Variants in KRT20 observed in about 807,000 individuals in gnomAD.
KRT20 encodes the protein keratin 20, also known as keratin, type I cytoskeletal 20.
Under a neutral mutation model 43.0 loss-of-function variants are expected in KRT20, and 41 were observed. The ratio of observed to expected loss-of-function variants is 0.95; its 90% CI spans 0.74 to 1.24. KRT20 has a LOEUF of 1.24. Ranked by LOEUF, KRT20 falls within the 50% of genes most tolerant of loss-of-function variation. KRT20 has a pLI of 0.00. For synonymous variants in KRT20, 207 were observed against 200.6 expected (o/e 1.03, Z -0.27); for missense variants, 533 against 521.2 (o/e 1.02, Z -0.22).
chr17:40,877,651 C>T lies in KRT20; in HGVS notation c.1140-234G>A, dbSNP rs111504706. ...CCAGTTTAATATATGCTAAGAAGTTCCTCTAATTAAAATAACAAAATTACA... is the reference window on the plus strand; with the variant it reads ...CCAGTTTAATATATGCTAAGAAGTTTCTCTAATTAAAATAACAAAATTACA... On this transcript the variant is annotated intron_variant, in intron 6 of 7. Transcript: ENST00000167588. 2.5e-4 allele frequency among the ~76,000 whole-genome samples: 38 copies of T among 152,046 alleles called. 1 individual carries two copies. The highest frequency in any genetic ancestry group is 8.7e-4 in the African/African-American group (36 of 41,476).
chr17:40,881,435 T>G (rs1344695175), intron 2 of KRT20, among the ~76,000 whole-genome samples: 1 of 152,052 alleles, frequency 6.6e-6, no homozygotes. Flanking sequence ...TATTTTTGTA[T>G]AGAGATGTGG....
At position 40,884,100 on chromosome 17, in the gene KRT20, T is replaced by C. The variant is rs1907708935; in HGVS notation, c.390+696A>G. 2.0e-5 allele frequency among the ~76,000 whole-genome samples: 3 copies of C among 152,204 alleles called. No homozygotes were observed. The South Asian group carries it at 6.2e-4, about 31-fold the overall frequency. The stretch of plus-strand genomic sequence containing the variant: ...AGCAAAGTCTTCTGCTTTTATTCCA[T>C]GAAACTGATAAAATACAGAGCTCCA... On this transcript the variant is annotated intron_variant, in intron 1 of 7. Coordinates refer to ENST00000167588, the MANE Select transcript of KRT20 (RefSeq NM_019010.3).
chr17:40,882,303 T>TA (rs1204042960), intron 2 of KRT20, among the ~76,000 whole-genome samples: 2 of 151,744 alleles, frequency 1.3e-5, no homozygotes, highest in Non-Finnish European at 2.9e-5. Flanking sequence ...ACCAGGTTAC[T>TA]AAAAAAAAAT....
At position 40,880,236 on chromosome 17, in the gene KRT20, A is replaced by G; in HGVS notation, c.656T>C (p.Leu219Pro). Reference sequence around the variant, plus strand: ...AACCTCCACATTGACAGTGTTGCCCAGATGCTTGTGTAGGCCATCGACTTC... The same window carrying G: ...AACCTCCACATTGACAGTGTTGCCCGGATGCTTGTGTAGGCCATCGACTTC... ...QEEVDGLHKHLGNTVNVEVDA... is the reference protein window; with the variant it reads ...QEEVDGLHKHPGNTVNVEVDA... Residue 219 changes from leucine to proline, a missense_variant, in exon 4 of 8, where the codon CTG (leucine) becomes CCG (proline). Coordinates refer to ENST00000167588, the MANE Select transcript of KRT20 (RefSeq NM_019010.3). 6.2e-7 allele frequency: 1 copy of G among 1,608,382 alleles called. No individual in the cohort carries two copies. Among genetic ancestry groups the G allele is most frequent in the Non-Finnish European group, 8.5e-7 (1 of 1,177,312 alleles).
chr17:40,880,881 T>A (rs780926437), intron 2 of KRT20, 111 bp from the exon 3 acceptor site: 8 of 724,936 alleles, frequency 1.1e-5, no homozygotes, highest in Admixed American at 2.9e-5. Flanking sequence ...GAGATCAATT[T>A]CAATACTTTA....
Position 40,876,421 on chromosome 17 carries a change from T to G in KRT20, c.1215A>C (p.Gln405His). Residue 405 changes from glutamine (Q) to histidine (H), a missense_variant, in exon 8 of 8, where the codon CAA (glutamine) becomes CAC (histidine). Physicochemically the swap from Gln to His is conservative, Grantham distance 24 (BLOSUM62 0). Coordinates refer to ENST00000167588, the MANE Select transcript of KRT20 (RefSeq NM_019010.3). ...ACACGACCTTGCCATCCACTACTTC[T>G]TGCACGACTGTCTTAATCTTCCTGG... ...KKTRKIKTVV[Q>H]EVVDGKVVSS... 1 of 1,613,316 alleles carries G rather than the reference T, an allele frequency of 6.2e-7. No homozygotes were observed. Among genetic ancestry groups the G allele is most frequent in the Non-Finnish European group, 8.5e-7 (1 of 1,179,314 alleles).
chr17:40,880,531 C>T (rs1371559322), intron 3 of KRT20, 83 bp downstream of exon 3: 5 of 1,230,826 alleles, frequency 4.1e-6, no homozygotes, highest in Non-Finnish European at 5.8e-6. Flanking sequence ...TCCCCCTTCT[C>T]CTGTTTCTCC....
At chr17:40,881,571 A>G (rs1907600022) in intron 2 of KRT20, among the ~76,000 whole-genome samples, 1 of 152,074 alleles carries the variant, frequency 6.6e-6, no homozygotes, top group South Asian at 2.1e-4. Context: ...TTCCTAAAAT[A>G]TCCAACTTTA....
At chr17:40,877,718 G>A (rs1282763506) in intron 6 of KRT20, among the ~76,000 whole-genome samples, 1 of 152,104 alleles carries the variant, frequency 6.6e-6, no homozygotes, top group Non-Finnish European at 1.5e-5. Context: ...ATATTCTTAG[G>A]TATGGTATCT....
In KRT20 at chr17:40,879,933, T is replaced by C. The variant is rs139496352; in HGVS notation, c.798A>G (p.Ala266=). Residue 266 remains alanine (A), a synonymous_variant, in exon 5 of 8, where the codon GCA becomes GCG. Coordinates refer to ENST00000167588, the MANE Select transcript of KRT20 (RefSeq NM_019010.3). ...EAKEQFERQT[A]VLQQQVTVNT... Reference sequence around the variant, plus strand: ...TCACTGTGACCTGTTGCTGCAGAACTGCAGTCTACAGTGCCAAGAGTGAAA... The same window carrying C: ...TCACTGTGACCTGTTGCTGCAGAACCGCAGTCTACAGTGCCAAGAGTGAAA... The C allele has an allele frequency of 2.5e-6, 4 of 1,613,686 alleles. No individual in the cohort carries two copies. The highest frequency in any genetic ancestry group is 3.4e-6 in the Non-Finnish European group (4 of 1,179,954).
chr17:40,884,820 T>C lies in KRT20; in HGVS notation c.366A>G (p.Arg122=), dbSNP rs769526332. ...RAGRDYSAYY[R]QIEELRSQIK... is the part of the protein sequence containing the mutation. ...CCTGACTTCGCAGCTCTTCAATTTG[T>C]CTGTAATATGCACTGTAGTCGCGAC... The change falls in exon 1 of 8, where the codon AGA becomes AGG. Residue 122 remains arginine (R), a synonymous_variant. Transcript: ENST00000167588. The C allele has an allele frequency of 4.3e-6, 7 of 1,613,306 alleles. No individual in the cohort carries two copies. The highest frequency in any genetic ancestry group is 1.3e-5 in the African/African-American group (1 of 74,916).
chr17:40,878,385 AG>A lies in KRT20; in HGVS notation c.919-21del. ...CTCTTTCTATGAGCACAAGAAAAAT[AG>A]GGCACTTCTTATGTGAGGACTTGAT... On this transcript the variant is annotated intron_variant, in intron 5 of 7. Transcript: ENST00000167588. 1 of 1,574,062 alleles carries A rather than the reference AG, an allele frequency of 6.4e-7. No homozygotes were observed. The highest frequency in any genetic ancestry group is 8.7e-7 in the Non-Finnish European group (1 of 1,144,762).
chr17:40,876,863 G>A (rs1907370227), intron 7 of KRT20, among the ~76,000 whole-genome samples: 1 of 152,202 alleles, frequency 6.6e-6, no homozygotes, highest in South Asian at 2.1e-4. Context: ...AATCCCTGGT[G>A]TCATATCTGC....
Position 40,876,232 on chromosome 17 carries a change from C to T in KRT20, c.*129G>A, listed in dbSNP as rs1327198145. The T allele has an allele frequency of 2.4e-5, 13 of 545,148 alleles. 1 individual carries two copies. The South Asian group carries it at 3.6e-4, about 15-fold the overall frequency. The allele number at this position is 545,148 out of a possible 1,614,324, so 33.8% of individuals were successfully genotyped here. On this transcript the variant is annotated 3_prime_UTR_variant, in exon 8 of 8. Transcript: ENST00000167588. ...AGTCTGATAAATAGGATTCCCGCCACCCCACCCCTTCTAATCACTGCAGAG... is the reference window on the plus strand; with the variant it reads ...AGTCTGATAAATAGGATTCCCGCCATCCCACCCCTTCTAATCACTGCAGAG...
chr17:40,884,150 A>T (rs1907710980), intron 1 of KRT20, among the ~76,000 whole-genome samples: 1 of 152,076 alleles, frequency 6.6e-6, no homozygotes, highest in Non-Finnish European at 1.5e-5. Context: ...ACATAGGAGG[A>T]GGTTGTGATA....
chr17:40,884,025 C>T (rs1341962197), intron 1 of KRT20, among the ~76,000 whole-genome samples: 1 of 152,162 alleles, frequency 6.6e-6, no homozygotes, highest in African/African-American at 2.4e-5. Flanking sequence ...TAGATAAGAA[C>T]TTTAATTTGA....
Position 40,878,145 on chromosome 17 carries a change from T to C in KRT20, c.1139A>G (p.Lys380Arg). ...TATTCCTTGATTCTAAGAGCCTTAC[T>C]TTACGTCTTCTCCTTCCAGAAGGCG... ...YRRLLEGEDV[K>R]TTEYQLSTLE... Residue 380 changes from lysine to arginine, a missense_variant and splice_region_variant, in exon 6 of 8, where the codon AAA becomes AGA. Coordinates refer to ENST00000167588, the MANE Select transcript of KRT20 (RefSeq NM_019010.3). The C allele has an allele frequency of 6.2e-7, 1 of 1,612,840 alleles. No homozygotes were observed. Among genetic ancestry groups the C allele is most frequent in the Non-Finnish European group, 8.5e-7 (1 of 1,178,812 alleles).
At chr17:40,877,937 A>G (rs952201503) in intron 6 of KRT20, among the ~76,000 whole-genome samples, 1 of 152,064 alleles carries the variant, frequency 6.6e-6, no homozygotes, top group African/African-American at 2.4e-5. Flanking sequence ...ACTCAGTCCT[A>G]CCACATGATC....
In KRT20 at chr17:40,878,345, AG is replaced by A. The variant is rs761525291; in HGVS notation, c.938del (p.Thr313IlefsTer2). The A allele has an allele frequency of 2.8e-5, 45 of 1,613,940 alleles. No individual in the cohort carries two copies. The highest frequency in any genetic ancestry group is 3.6e-5 in the Non-Finnish European group (43 of 1,179,992). ...TGTAACGGGCCTTGGTCTCCTCTAG[AG>A]TGTGCTCCAAAGACTCTTTCTATGA... ...HLSMKESLEH[T>X]LEETKARYSS... On this transcript the variant is annotated frameshift_variant, in exon 6 of 8. Coordinates refer to ENST00000167588, the MANE Select transcript of KRT20 (RefSeq NM_019010.3). LOFTEE classifies it high-confidence loss of function.
Sources: gnomAD v4.1 joint callset for allele counts (sites outside exome capture counted in the v4.1 genomes callset) on GRCh38, gnomAD v4.1.1 for gene constraint, MANE v1.5 for transcripts, NCBI Gene and HGNC (gene_info 2026-07-23, HGNC 2026-07-21) for gene names.